The following NYAP2 variants were observed in gnomAD, a reference collection of about 807,000 sequenced individuals.
NYAP2 encodes neuronal tyrosine-phosphorylated phosphoinositide-3-kinase adapter 2.
NYAP2 carries 23 observed loss-of-function variants against 50.4 expected under a neutral mutation model. That is an observed-to-expected ratio of 0.46 (90% CI 0.33 to 0.65). The LOEUF is 0.65. NYAP2 is among the 30% of genes least tolerant of loss of function. NYAP2 has a pLI of 0.02. For missense variants in NYAP2, 885 were observed against 861.0 expected (o/e 1.03, Z -0.35); for synonymous variants, 394 against 365.2 (o/e 1.08, Z -0.90).
intron 4 of NYAP2, among the ~76,000 whole-genome samples, chr2:225,521,727 A>G (rs961386173): frequency 2.0e-5 from 3 of 151,890 alleles, no homozygotes; most frequent in African/African-American, 7.2e-5. Context: ...ATATTGGTCT[A>G]AAATTCTCTT....
At chr2:225,694,236 G>A in the NYAP2 span, among the ~76,000 whole-genome samples, 3 of 151,700 alleles carry the variant, frequency 2.0e-5, no homozygotes, top group Non-Finnish European at 4.4e-5. Context: ...CTTCAAATTC[G>A]TTTTAATAGT....
At chr2:225,617,488 T>G (rs942910906) in intron 5 of NYAP2, among the ~76,000 whole-genome samples, 1 of 152,244 alleles carries the variant, frequency 6.6e-6, no homozygotes, top group Admixed American at 6.5e-5. Flanking sequence ...AAGCTTTTTA[T>G]GTAAATCATC....
intron 3 of NYAP2, among the ~76,000 whole-genome samples, chr2:225,451,762 T>G (rs1320455119): frequency 6.6e-6 from 1 of 152,196 alleles, no homozygotes; most frequent in Non-Finnish European, 1.5e-5. Context: ...CAAAGCTCTG[T>G]TATATGGTAG....
intron 3 of NYAP2, among the ~76,000 whole-genome samples, chr2:225,420,611 C>CTTTTTT (rs11356958): frequency 7.0e-6 from 1 of 142,140 alleles, no homozygotes; most frequent in Admixed American, 6.9e-5. Flanking sequence ...CTTTTCTTTT[C>CTTTTTT]TTTTTTTTTT....
intron 6 of NYAP2, among the ~76,000 whole-genome samples, chr2:225,639,741 G>A (rs1693492677): frequency 6.6e-6 from 1 of 152,166 alleles, no homozygotes; most frequent in Admixed American, 6.5e-5. Context: ...ACATGCCAGT[G>A]AGGGAGAGAG....
chr2:225,585,906 C>G (rs1033049017), intron 5 of NYAP2, among the ~76,000 whole-genome samples: 2 of 152,124 alleles, frequency 1.3e-5, no homozygotes, highest in Non-Finnish European at 2.9e-5. Context: ...TTTACTCTTC[C>G]CAGACAGGTT....
chr2:225,417,000 A>C (rs1023610963), intron 3 of NYAP2, among the ~76,000 whole-genome samples: 6 of 152,188 alleles, frequency 3.9e-5, no homozygotes, highest in African/African-American at 1.4e-4. Context: ...GTAATGTTGA[A>C]TATGGAGAGA....
chr2:225,681,966 T>C, the NYAP2 span, among the ~76,000 whole-genome samples: 3 of 152,334 alleles, frequency 2.0e-5, no homozygotes, highest in East Asian at 5.8e-4. Flanking sequence ...TTGTGCTCAC[T>C]ATATGTTAGC....
intron 3 of NYAP2, among the ~76,000 whole-genome samples, chr2:225,452,875 G>T (rs994359197): frequency 6.6e-6 from 1 of 152,120 alleles, no homozygotes; most frequent in African/African-American, 2.4e-5. Context: ...GTTAGCTTTG[G>T]CTTTATCCTT....
chr2:225,648,240 A>G (rs759859461), intron 6 of NYAP2, among the ~76,000 whole-genome samples: 3 of 152,116 alleles, frequency 2.0e-5, no homozygotes, highest in Admixed American at 6.5e-5. Context: ...ACCTCAGGTG[A>G]TCTGTCTGCC....
intron 3 of NYAP2, among the ~76,000 whole-genome samples, chr2:225,429,455 C>A (rs919167912): frequency 2.6e-5 from 4 of 152,168 alleles, no homozygotes; most frequent in African/African-American, 9.7e-5. Context: ...ACCTGGAATT[C>A]CTTGCAATGT....
chr2:225,621,125 A>AG (rs900435034), intron 5 of NYAP2, among the ~76,000 whole-genome samples: 1 of 152,036 alleles, frequency 6.6e-6, no homozygotes, highest in East Asian at 1.9e-4. Context: ...AAAAAAAAAA[A>AG]AAAAAAAATC....
intron 6 of NYAP2, among the ~76,000 whole-genome samples, chr2:225,631,709 A>T (rs189526470): frequency 9.2e-5 from 14 of 152,360 alleles, no homozygotes; most frequent in African/African-American, 3.4e-4. Context: ...CTGAAGAGAA[A>T]GAACCTAAAT....
At position 225,467,203 on chromosome 2, in the gene NYAP2, T is replaced by A. The variant is rs181271318; in HGVS notation, c.222-46168T>A. ...GCATTCTTCCCTTACCAGCCGAATG[T>A]CCTTAGAGGTCAGATACCAATTAAA... On this transcript the variant is annotated intron_variant, in intron 3 of 6. Coordinates refer to ENST00000636099, the Ensembl canonical transcript of NYAP2. Among the ~76,000 whole-genome samples the A allele has an allele frequency of 8.5e-5, 13 of 152,268 alleles. No individual in the cohort carries two copies. In the East Asian group the frequency reaches 9.7e-4, roughly 11 times the overall value.
At chr2:225,677,599 G>A in the NYAP2 span, among the ~76,000 whole-genome samples, 2 of 151,978 alleles carry the variant, frequency 1.3e-5, no homozygotes, top group African/African-American at 4.8e-5. Flanking sequence ...TGCTTAATCT[G>A]TTGAGGATTT....
chr2:225,576,694 G>A (rs188962649), intron 4 of NYAP2, among the ~76,000 whole-genome samples: 1 of 152,280 alleles, frequency 6.6e-6, no homozygotes, highest in African/African-American at 2.4e-5. Context: ...GCTATGGAAA[G>A]GACTGTTTAA....
At chr2:225,555,780 A>G (rs548061129) in intron 4 of NYAP2, among the ~76,000 whole-genome samples, 4 of 152,336 alleles carry the variant, frequency 2.6e-5, no homozygotes, top group African/African-American at 9.6e-5. Flanking sequence ...TAGGAGTCCT[A>G]CAATTTCCAG....
chr2:225,574,768 G>A (rs1176202109), intron 4 of NYAP2, among the ~76,000 whole-genome samples: 1 of 152,130 alleles, frequency 6.6e-6, no homozygotes, highest in Non-Finnish European at 1.5e-5. Flanking sequence ...GTGGCACAGT[G>A]TTTGTGAGAT....
chr2:225,463,181 A>C (rs1344016990), intron 3 of NYAP2, among the ~76,000 whole-genome samples: 1 of 152,286 alleles, frequency 6.6e-6, no homozygotes, highest in African/African-American at 2.4e-5. Flanking sequence ...CCTGCATTGC[A>C]TCAGTCTTGG....
Sources: allele counts gnomAD v4.1 joint callset (sites outside exome capture counted in the v4.1 genomes callset), GRCh38; gene constraint gnomAD v4.1.1; transcripts MANE v1.5; gene names NCBI Gene and HGNC (gene_info 2026-07-23, HGNC 2026-07-21).